BCKDHB: variants seen among roughly 807,000 people sequenced by gnomAD.
The protein encoded by BCKDHB is branched chain keto acid dehydrogenase E1 subunit beta.
A neutral mutation model predicts 48.5 loss-of-function variants in BCKDHB; 41 were observed. The observed-to-expected ratio is 0.85, with a 90% CI of 0.66 to 1.10. The LOEUF is 1.10. Among genes scored for constraint, BCKDHB ranks in the 50% least tolerant of loss-of-function variants. BCKDHB has a pLI of 0.00. For synonymous variants in BCKDHB, 201 were observed against 174.8 expected (o/e 1.15, Z -1.18); for missense variants, 496 against 494.2 (o/e 1.00, Z -0.03).
chr6:80,317,816 G>A (rs1352658989), intron 9 of BCKDHB, among the ~76,000 whole-genome samples: 17 of 152,184 alleles, frequency 1.1e-4, no homozygotes, highest in Admixed American at 4.6e-4. Flanking sequence ...AGTGGGCCCA[G>A]GATATAGTCA....
intron 8 of BCKDHB, among the ~76,000 whole-genome samples, chr6:80,220,044 G>GA (rs1775342993): frequency 6.6e-6 from 1 of 151,860 alleles, no homozygotes; most frequent in African/African-American, 2.4e-5. Context: ...TTTCCTCTGG[G>GA]AATGGCCTAC....
At chr6:80,305,503 T>C (rs988705263) in intron 9 of BCKDHB, among the ~76,000 whole-genome samples, 8 of 152,180 alleles carry the variant, frequency 5.3e-5, no homozygotes, top group Non-Finnish European at 1.5e-5. Context: ...TTTAAGTTGT[T>C]ATTTAATGGC....
At chr6:80,462,585 G>A in the BCKDHB span, among the ~76,000 whole-genome samples, 9 of 152,288 alleles carry the variant, frequency 5.9e-5, no homozygotes, top group African/African-American at 2.2e-4. Context: ...AAAGCACATA[G>A]CCAGTGTTTC....
At chr6:80,339,368 T>C (rs1258438748) in intron 9 of BCKDHB, among the ~76,000 whole-genome samples, 1 of 152,216 alleles carries the variant, frequency 6.6e-6, no homozygotes, top group Admixed American at 6.5e-5. Context: ...AAAGGTTGTC[T>C]GTCCTTCCTA....
intron 9 of BCKDHB, among the ~76,000 whole-genome samples, chr6:80,291,936 T>C (rs6907781): frequency 0.75 from 114,741 of 152,124 alleles, 44,128 homozygotes; most frequent in Admixed American, 0.86. Flanking sequence ...TAAATTGGCT[T>C]TGATGGAACT....
At chr6:80,277,786 A>C (rs927743942) in intron 9 of BCKDHB, among the ~76,000 whole-genome samples, 2 of 152,004 alleles carry the variant, frequency 1.3e-5, no homozygotes, top group Non-Finnish European at 1.5e-5. Flanking sequence ...TTAGCATAAG[A>C]ACTCAGAAAC....
At chr6:80,305,532 G>A (rs1767831595) in intron 9 of BCKDHB, among the ~76,000 whole-genome samples, 1 of 152,092 alleles carries the variant, frequency 6.6e-6, no homozygotes, top group South Asian at 2.1e-4. Flanking sequence ...GTCTGTCCAA[G>A]TTATAACAAA....
Position 80,182,666 on chromosome 6 carries a change from G to A in BCKDHB, c.742+11276G>A, listed in dbSNP as rs182279927. On this transcript the variant is annotated intron_variant, in intron 6 of 9. Coordinates refer to ENST00000320393, the MANE Select transcript of BCKDHB (RefSeq NM_183050.4). ...TGTGCTTTTATATTTACATACATAT[G>A]TGAATATATAGAATACATTTACTTC... 1.1e-3 allele frequency among the ~76,000 whole-genome samples: 172 copies of A among 152,114 alleles called. 2 individuals are homozygous for A. Among genetic ancestry groups the A allele is most frequent in the Admixed American group, 9.2e-3 (141 of 15,296 alleles).
intron 9 of BCKDHB, among the ~76,000 whole-genome samples, chr6:80,277,825 T>C (rs1778033028): frequency 6.6e-6 from 1 of 152,094 alleles, no homozygotes; most frequent in Admixed American, 6.5e-5. Flanking sequence ...TTTTTTAAGA[T>C]TATCAGATTC....
the BCKDHB span, among the ~76,000 whole-genome samples, chr6:80,362,606 A>G: frequency 3.9e-5 from 6 of 152,300 alleles, no homozygotes; most frequent in East Asian, 9.7e-4. Flanking sequence ...GAGGGACACC[A>G]TTTCTTAAAA....
the BCKDHB span, among the ~76,000 whole-genome samples, chr6:80,433,776 A>G: frequency 6.6e-6 from 1 of 152,224 alleles, no homozygotes. Context: ...AGATTTTTTA[A>G]AAAACACTGA....
At chr6:80,347,604 C>A (rs1052561642), downstream of BCKDHB, among the ~76,000 whole-genome samples, 2 of 152,114 alleles carry the variant, frequency 1.3e-5, no homozygotes, top group African/African-American at 4.8e-5. Flanking sequence ...TAAGGATTTT[C>A]TCTTAGCTAT....
the BCKDHB span, among the ~76,000 whole-genome samples, chr6:80,428,185 C>T: frequency 6.6e-6 from 1 of 152,142 alleles, no homozygotes; most frequent in South Asian, 2.1e-4. Context: ...AACCATGTCC[C>T]TGCAAAGGAC....
the BCKDHB span, among the ~76,000 whole-genome samples, chr6:80,402,577 G>A: frequency 6.6e-6 from 1 of 151,968 alleles, no homozygotes; most frequent in African/African-American, 2.4e-5. Flanking sequence ...TCACTCTGTT[G>A]ATTCCTTTGC....
intron 3 of BCKDHB, among the ~76,000 whole-genome samples, chr6:80,162,873 C>G (rs993633728): frequency 2.6e-5 from 4 of 151,868 alleles, no homozygotes; most frequent in African/African-American, 7.2e-5. Context: ...CCAAAACTCT[C>G]TTGACCCCAT....
the BCKDHB span, among the ~76,000 whole-genome samples, chr6:80,410,031 C>A: frequency 6.6e-6 from 1 of 152,136 alleles, no homozygotes; most frequent in Non-Finnish European, 1.5e-5. Flanking sequence ...GATGCAGTTT[C>A]TTCCTAGCAT....
intron 1 of BCKDHB, among the ~76,000 whole-genome samples, chr6:80,108,589 C>T (rs1256211192): frequency 6.7e-6 from 1 of 150,270 alleles, no homozygotes; most frequent in Non-Finnish European, 1.5e-5. Context: ...CTGCCGGGCG[C>T]AGTGGCTCAC....
Position 80,131,294 on chromosome 6 carries a change from C to T in BCKDHB, c.343+2065C>T, listed in dbSNP as rs184159377. On this transcript the variant is annotated intron_variant, in intron 3 of 9. Transcript: ENST00000320393. ...AAACTCAGCATTTCCACACCTAAGG[C>T]TGCTACATGCACCCAGCAAATATAT... Among the ~76,000 whole-genome samples, 265 of 152,322 alleles carry T rather than the reference C, an allele frequency of 1.7e-3. 1 individual carries two copies. Among genetic ancestry groups the T allele is most frequent in the African/African-American group, 6.0e-3 (251 of 41,586 alleles).
rs1423071088 is a variant in BCKDHB, at chr6:80,203,171, C to A, written c.910C>A (p.Leu304Met). ...KLGVSCEVID[L>M]RTIIPWDVDT... is the part of the protein sequence containing the mutation. ...TGGAGTGTCTTGTGAAGTCATTGATCTGAGGACTATAATACCTTGGGATGT... is the reference window on the plus strand; with the variant it reads ...TGGAGTGTCTTGTGAAGTCATTGATATGAGGACTATAATACCTTGGGATGT... The change falls in exon 8 of 10, where the codon CTG (leucine) becomes ATG (methionine). Residue 304 changes from leucine (L) to methionine (M), a missense_variant. Physicochemically the swap from Leu to Met is conservative, Grantham distance 15 (BLOSUM62 2). Transcript: ENST00000320393. 4 of 1,612,330 alleles carry A rather than the reference C, an allele frequency of 2.5e-6. No homozygotes were observed.
Sources: allele counts gnomAD v4.1 joint callset (sites outside exome capture counted in the v4.1 genomes callset), GRCh38; gene constraint gnomAD v4.1.1; transcripts MANE v1.5; gene names NCBI Gene and HGNC (gene_info 2026-07-23, HGNC 2026-07-21).